Variants in LINC00305 observed in about 807,000 individuals in gnomAD.
LINC00305 encodes the protein long independently transcribed non-coding RNA 305, also known as long intergenic non-protein coding RNA 305.
intron 1 of LINC00305, among the ~76,000 whole-genome samples, chr18:64,112,354 AAT>A (rs1401735828): frequency 1.3e-5 from 2 of 151,820 alleles, no homozygotes; most frequent in Non-Finnish European, 2.9e-5. Context: ...AAAAAAAAAA[AAT>A]CCTACCTTGT....
At chr18:64,126,477 C>T (rs1438656804) in intron 1 of LINC00305, among the ~76,000 whole-genome samples, 1 of 151,978 alleles carries the variant, frequency 6.6e-6, no homozygotes. Context: ...CCCTTCTCGG[C>T]CATTCGGTTA....
chr18:64,094,162 C>T (rs1367348781), intron 3 of LINC00305, among the ~76,000 whole-genome samples: 1 of 151,992 alleles, frequency 6.6e-6, no homozygotes, highest in African/African-American at 2.4e-5. Flanking sequence ...AAAATGATAG[C>T]AAACTAAAAG....
chr18:64,135,977 GACT>G (rs2051431678), intron 1 of LINC00305, among the ~76,000 whole-genome samples: 1 of 152,138 alleles, frequency 6.6e-6, no homozygotes, highest in African/African-American at 2.4e-5. Context: ...GGACGTGGAG[GACT>G]TCATTCAAGT....
exon 1 of LINC00305, chr18:64,149,018 T>C (rs2051512201): frequency 6.6e-6 from 1 of 152,122 alleles, no homozygotes; most frequent in Non-Finnish European, 1.5e-5. Flanking sequence ...GAAATCAGAG[T>C]CCATCATTTC....
chr18:64,103,792 T>C (rs969577239), intron 1 of LINC00305, among the ~76,000 whole-genome samples: 6 of 152,184 alleles, frequency 3.9e-5, no homozygotes, highest in Non-Finnish European at 8.8e-5. Context: ...ATGCTGTGTT[T>C]ATCTATAACT....
intron 1 of LINC00305, among the ~76,000 whole-genome samples, chr18:64,103,087 T>C (rs1411102091): frequency 1.3e-5 from 2 of 152,218 alleles, no homozygotes; most frequent in East Asian, 3.8e-4. Context: ...TTGATTGTTT[T>C]TTCTTATTGA....
intron 1 of LINC00305, among the ~76,000 whole-genome samples, chr18:64,116,620 A>G (rs781540797): frequency 3.3e-5 from 5 of 151,938 alleles, no homozygotes; most frequent in African/African-American, 1.2e-4. Flanking sequence ...AACATTGTAT[A>G]TATTTATAGT....
intron 1 of LINC00305, among the ~76,000 whole-genome samples, chr18:64,143,752 T>C (rs1400160102): frequency 2.8e-5 from 2 of 71,944 alleles, no homozygotes; most frequent in African/African-American, 5.3e-5. Context: ...TATGCGTACA[T>C]GTATGTACAC....
At chr18:64,142,675 C>T (rs575164320) in intron 1 of LINC00305, among the ~76,000 whole-genome samples, 18 of 152,134 alleles carry the variant, frequency 1.2e-4, no homozygotes, top group African/African-American at 2.9e-4. Flanking sequence ...CATGGCCACC[C>T]GCGCCCTATT....
At position 64,084,079 on chromosome 18, in the gene LINC00305, C is replaced by T. The variant is rs544979894; in HGVS notation, n.541-3677G>A. Among the ~76,000 whole-genome samples the T allele has an allele frequency of 4.6e-5, 7 of 152,292 alleles. No individual in the cohort carries two copies. The South Asian group carries it at 1.5e-3, about 32-fold the overall frequency. On this transcript the variant is annotated intron_variant and non_coding_transcript_variant, in intron 3 of 3. Coordinates refer to ENST00000666468, the Ensembl canonical transcript of LINC00305. Reference sequence around the variant, plus strand: ...GCACCCACAGAAAACACACTCTCCTCGTCTTGTGTTCTCACACCTTGAAGC... The same window carrying T: ...GCACCCACAGAAAACACACTCTCCTTGTCTTGTGTTCTCACACCTTGAAGC...
intron 1 of LINC00305, among the ~76,000 whole-genome samples, chr18:64,121,426 T>C (rs1276803805): frequency 6.6e-6 from 1 of 152,128 alleles, no homozygotes; most frequent in Non-Finnish European, 1.5e-5. Context: ...CTCCCACTTA[T>C]AAGTAAGAAT....
chr18:64,113,977 TG>T (rs954022520), intron 1 of LINC00305, among the ~76,000 whole-genome samples: 3 of 152,106 alleles, frequency 2.0e-5, no homozygotes, highest in Admixed American at 6.5e-5. Flanking sequence ...CACATAAAAA[TG>T]AAAGAAAATG....
At chr18:64,107,747 A>G (rs1487265906) in intron 1 of LINC00305, among the ~76,000 whole-genome samples, 1 of 152,202 alleles carries the variant, frequency 6.6e-6, no homozygotes, top group Non-Finnish European at 1.5e-5. Flanking sequence ...GCATGTGGTC[A>G]ATGTATCTTA....
intron 1 of LINC00305, among the ~76,000 whole-genome samples, chr18:64,118,059 G>A (rs1168749202): frequency 6.6e-6 from 1 of 152,124 alleles, no homozygotes; most frequent in Non-Finnish European, 1.5e-5. Context: ...GAGTTCTCCA[G>A]GCTGAATGCA....
chr18:64,097,782 T>C, intron 3 of LINC00305: 2 of 437,904 alleles, frequency 4.6e-6, no homozygotes, highest in South Asian at 3.2e-5. Flanking sequence ...CATGGAAACA[T>C]TCCTTTATAA....
intron 1 of LINC00305, among the ~76,000 whole-genome samples, chr18:64,103,558 T>C (rs1052650366): frequency 2.0e-5 from 3 of 152,224 alleles, no homozygotes; most frequent in African/African-American, 7.2e-5. Context: ...TTTGTTTCTT[T>C]CATACATTTC....
intron 1 of LINC00305, among the ~76,000 whole-genome samples, chr18:64,134,549 A>C (rs2051423947): frequency 2.0e-5 from 3 of 152,126 alleles, no homozygotes; most frequent in Admixed American, 6.5e-5. Context: ...ATTTCGCCCC[A>C]AGCTGTTTCT....
In LINC00305 at chr18:64,083,877, C is replaced by T. The variant is rs149524108; in HGVS notation, n.541-3475G>A. ...TGTATTTAGCAATTTGAATCTGACT[C>T]GAATGTCATTACCTAAGAAGAAAAG... On this transcript the variant is annotated intron_variant and non_coding_transcript_variant, in intron 3 of 3. Transcript: ENST00000666468. 3.9e-3 allele frequency among the ~76,000 whole-genome samples: 591 copies of T among 152,242 alleles called. 7 individuals carry two copies. Among genetic ancestry groups the T allele is most frequent in the Non-Finnish European group, 5.3e-3 (358 of 68,006 alleles).
Position 64,137,838 on chromosome 18 carries a change from A to G in LINC00305, n.314+10937T>C, listed in dbSNP as rs192778016. On this transcript the variant is annotated intron_variant and non_coding_transcript_variant, in intron 1 of 3. Coordinates refer to ENST00000666468, the Ensembl canonical transcript of LINC00305. ...TTAAACACAAGCCATTAAATAATAT[A>G]CACACACATACACACACACACACAC... is the stretch of plus-strand genomic sequence containing the variant. Among the ~76,000 whole-genome samples the G allele has an allele frequency of 3.4e-3, 490 of 143,594 alleles. 11 individuals are homozygous for G. Among genetic ancestry groups the G allele is most frequent in the Admixed American group, 0.031 (448 of 14,662 alleles). 94.2% of individuals were successfully genotyped at this position (143,594 alleles called of 152,430 possible).
Sources: gnomAD v4.1 joint callset for allele counts (sites outside exome capture counted in the v4.1 genomes callset) on GRCh38, gnomAD v4.1.1 for gene constraint, MANE v1.5 for transcripts, NCBI Gene and HGNC (gene_info 2026-07-23, HGNC 2026-07-21) for gene names.